SLC24A2: variants seen among roughly 807,000 people sequenced by gnomAD.
The protein encoded by SLC24A2 is sodium/potassium/calcium exchanger 2.
In SLC24A2, 36 loss-of-function variants were observed where a neutral mutation model predicts 62.0. The observed-to-expected ratio is 0.58, with a 90% CI of 0.44 to 0.77. SLC24A2 has a LOEUF of 0.77. Ranked by LOEUF, SLC24A2 falls within the 30% of genes least tolerant of loss-of-function variation. The pLI is 0.00. For missense variants in SLC24A2, 846 were observed against 817.9 expected (o/e 1.03, Z -0.42); for synonymous variants, 358 against 294.0 (o/e 1.22, Z -2.23).
At chr9:19,990,922 G>GATATATATAT in the SLC24A2 span, among the ~76,000 whole-genome samples, 16,375 of 120,502 alleles carry the variant, frequency 0.14, 1,332 homozygotes, top group East Asian at 0.23. Flanking sequence ...GGACTAATAG[G>GATATATATAT]ATATATATAT....
the SLC24A2 span, among the ~76,000 whole-genome samples, chr9:20,162,278 T>C: frequency 6.6e-6 from 1 of 151,598 alleles, no homozygotes. Flanking sequence ...AAACAATAGT[T>C]AGAAGATATA....
chr9:19,889,243 C>T, the SLC24A2 span, among the ~76,000 whole-genome samples: 1 of 152,192 alleles, frequency 6.6e-6, no homozygotes, highest in Non-Finnish European at 1.5e-5. Flanking sequence ...GCTAAACAAA[C>T]ATGGTATAAA....
the SLC24A2 span, among the ~76,000 whole-genome samples, chr9:20,251,621 T>A: frequency 1.3e-5 from 2 of 152,206 alleles, no homozygotes; most frequent in African/African-American, 4.8e-5. Flanking sequence ...CGTAATAAAC[T>A]GGTCAAGTTA....
chr9:20,054,199 C>G, the SLC24A2 span, among the ~76,000 whole-genome samples: 1 of 149,706 alleles, frequency 6.7e-6, no homozygotes, highest in East Asian at 1.9e-4. Context: ...ATTTTTTATG[C>G]TTTTATTTTT....
the SLC24A2 span, among the ~76,000 whole-genome samples, chr9:20,095,804 G>C: frequency 1.3e-5 from 2 of 152,068 alleles, no homozygotes; most frequent in African/African-American, 4.8e-5. Context: ...CATGTGGCTG[G>C]GGAGGCCTCA....
intron 2 of SLC24A2, among the ~76,000 whole-genome samples, chr9:19,664,558 A>C (rs1819194347): frequency 2.0e-5 from 3 of 152,226 alleles, no homozygotes; most frequent in Admixed American, 6.5e-5. Flanking sequence ...TGTCTCCCCA[A>C]AAGATATGTT....
chr9:20,016,730 C>G, the SLC24A2 span, among the ~76,000 whole-genome samples: 1 of 152,136 alleles, frequency 6.6e-6, no homozygotes, highest in Non-Finnish European at 1.5e-5. Context: ...TACAACTACA[C>G]ACACACACAA....
At chr9:19,715,557 A>C (rs1820834445) in intron 2 of SLC24A2, among the ~76,000 whole-genome samples, 1 of 152,166 alleles carries the variant, frequency 6.6e-6, no homozygotes, top group Non-Finnish European at 1.5e-5. Context: ...TTTTTCTGAA[A>C]GTCGAAAGTT....
At chr9:19,824,976 C>T in the SLC24A2 span, among the ~76,000 whole-genome samples, 1 of 152,050 alleles carries the variant, frequency 6.6e-6, no homozygotes, top group Non-Finnish European at 1.5e-5. Flanking sequence ...ACAATGAGAA[C>T]ACATGGACAC....
In SLC24A2 at chr9:19,786,252, T is replaced by C. The variant is rs1232858763; in HGVS notation, c.615A>G (p.Ile205Met). Residue 205 changes from isoleucine (I) to methionine (M), a missense_variant, in exon 2 of 11, where the codon ATA becomes ATG. Transcript: ENST00000341998. The surrounding 1 kb of genome is among the most constrained non-coding windows in gnomAD (Gnocchi z 5.0). ...ATACTGCTGAACCTACAATTGTGCC[T>C]ATGCCAACGTTGCTGTGAGCGATAA... Reference protein sequence around the residue: ...GVFIAHSNVGIGTIVGSAVFN... With the variant: ...GVFIAHSNVGMGTIVGSAVFN... 1.2e-6 allele frequency: 2 copies of C among 1,614,058 alleles called. No homozygotes were observed. The highest frequency in any genetic ancestry group is 2.2e-5 in the East Asian group (1 of 44,900).
the SLC24A2 span, among the ~76,000 whole-genome samples, chr9:19,885,958 A>G: frequency 6.6e-3 from 1,009 of 152,246 alleles, 21 homozygotes; most frequent in East Asian, 0.073. Context: ...ATAGTATTCT[A>G]TGGTGTATTT....
chr9:19,907,922 T>C, the SLC24A2 span, among the ~76,000 whole-genome samples: 8 of 151,966 alleles, frequency 5.3e-5, no homozygotes, highest in African/African-American at 9.7e-5. Context: ...AGGTAATTTA[T>C]AGATTCAATG....
chr9:19,745,950 T>G (rs375172061), intron 2 of SLC24A2, among the ~76,000 whole-genome samples: 2 of 152,288 alleles, frequency 1.3e-5, no homozygotes. Flanking sequence ...CTTTCTGTGT[T>G]TTAGAAATAC....
At chr9:20,003,475 G>A in the SLC24A2 span, among the ~76,000 whole-genome samples, 1 of 152,082 alleles carries the variant, frequency 6.6e-6, no homozygotes, top group African/African-American at 2.4e-5. Flanking sequence ...CTACTTTGGG[G>A]AATTTAGACT....
chr9:19,547,823 CAA>C (rs1491305130), intron 8 of SLC24A2, among the ~76,000 whole-genome samples: 2 of 151,472 alleles, frequency 1.3e-5, no homozygotes, highest in South Asian at 2.1e-4. Flanking sequence ...AACAGCAGAG[CAA>C]GAGAGAGAGA....
the SLC24A2 span, among the ~76,000 whole-genome samples, chr9:19,984,129 T>G: frequency 6.6e-6 from 1 of 152,202 alleles, no homozygotes; most frequent in Non-Finnish European, 1.5e-5. Flanking sequence ...CTGTTGTAAG[T>G]TGCAGAGCAT....
chr9:20,004,126 C>T, the SLC24A2 span, among the ~76,000 whole-genome samples: 1 of 152,154 alleles, frequency 6.6e-6, no homozygotes, highest in Non-Finnish European at 1.5e-5. Context: ...CAGGTATAGA[C>T]ACAGACCCCT....
At chr9:19,978,870 T>C in the SLC24A2 span, among the ~76,000 whole-genome samples, 2 of 152,092 alleles carry the variant, frequency 1.3e-5, no homozygotes, top group South Asian at 2.1e-4. Context: ...AGAGCTCTAC[T>C]GAACAAAAAA....
the SLC24A2 span, among the ~76,000 whole-genome samples, chr9:19,958,992 A>G: frequency 6.6e-6 from 1 of 152,162 alleles, no homozygotes; most frequent in Non-Finnish European, 1.5e-5. Context: ...CAAGTCCCCC[A>G]TCCCCTGCCA....
Sources: allele counts gnomAD v4.1 joint callset (sites outside exome capture counted in the v4.1 genomes callset), GRCh38; gene constraint gnomAD v4.1.1; non-coding constraint Gnocchi (gnomAD v3.1); transcripts MANE v1.5; gene names NCBI Gene and HGNC (gene_info 2026-07-23, HGNC 2026-07-21).